Variants in STX5 observed in about 807,000 individuals in gnomAD.
STX5 encodes the protein syntaxin-5.
Under a neutral mutation model 42.9 loss-of-function variants are expected in STX5, and 15 were observed. The observed-to-expected ratio is 0.35, with a 90% CI of 0.23 to 0.54. STX5 has a LOEUF of 0.54. Ranked by LOEUF, STX5 falls within the 20% of genes least tolerant of loss-of-function variation. STX5 has a pLI of 0.91. For synonymous variants in STX5, 184 were observed against 173.2 expected (o/e 1.06, Z -0.49); for missense variants, 430 against 455.0 (o/e 0.95, Z 0.50).
At chr11:62,814,055 T>C (rs2084646171) in intron 10 of STX5, among the ~76,000 whole-genome samples, 1 of 152,158 alleles carries the variant, frequency 6.6e-6, no homozygotes, top group Non-Finnish European at 1.5e-5. Flanking sequence ...ACCAGACATA[T>C]TTGGAACAAC....
intron 7 of STX5, 74 bp from the exon 8 acceptor site, chr11:62,825,191 G>A: frequency 1.2e-6 from 2 of 1,610,146 alleles, no homozygotes; most frequent in Non-Finnish European, 1.7e-6. Flanking sequence ...CCCACCATTG[G>A]CCCCATGACC....
rs148054449 is a variant in STX5 at position 62,829,576 on chromosome 11, C to T, written c.225+1443G>A. On this transcript the variant is annotated intron_variant, in intron 2 of 10. Transcript: ENST00000294179. ...CCCAGAAGTTCGAGACCAGCCTGGG[C>T]AACATGGTAAAACCCCATCTCTACT... 5.9e-3 allele frequency among the ~76,000 whole-genome samples: 894 copies of T among 152,058 alleles called. 8 individuals carry two copies. The highest frequency in any genetic ancestry group is 0.021 in the African/African-American group (859 of 41,442).
At chr11:62,830,389 A>T in intron 2 of STX5, 1 of 373,430 alleles carries the variant, frequency 2.7e-6, no homozygotes. Context: ...TGCCTGTACG[A>T]AAAAATTTTA....
Position 62,825,445 on chromosome 11 carries a change from T to C in STX5, c.518A>G (p.Asn173Ser), listed in dbSNP as rs779232866. Residue 173 changes from asparagine (N) to serine (S), a missense_variant, in exon 6 of 11, where the codon AAC becomes AGC. Transcript: ENST00000294179. Reference protein sequence around the residue: ...QSGRHLQTHSNTIVVSLQSKL... With the variant: ...QSGRHLQTHSSTIVVSLQSKL... Reference sequence around the variant, plus strand: ...CACCTGCAAGGAGACCACAATGGTGTTGGAGTGGGTCTGCAGGTGCCGGCC... The same window carrying C: ...CACCTGCAAGGAGACCACAATGGTGCTGGAGTGGGTCTGCAGGTGCCGGCC... The C allele has an allele frequency of 6.2e-7, 1 of 1,614,138 alleles. No homozygotes were observed. Among genetic ancestry groups the C allele is most frequent in the Non-Finnish European group, 8.5e-7 (1 of 1,180,042 alleles).
chr11:62,812,624 G>T (rs1056095966), intron 10 of STX5, among the ~76,000 whole-genome samples: 6 of 151,154 alleles, frequency 4.0e-5, no homozygotes, highest in Admixed American at 1.3e-4. Flanking sequence ...GGGTTTCACC[G>T]TGTTAGCCAG....
At chr11:62,831,416 A>T (rs1297310557) in intron 1 of STX5, among the ~76,000 whole-genome samples, 154 bp from the exon 2 acceptor site, 4 of 151,554 alleles carry the variant, frequency 2.6e-5, no homozygotes, top group African/African-American at 9.7e-5. Context: ...CCAGCAGCGG[A>T]AAGGGCCCCG....
chr11:62,810,268 C>CT (rs1436464915), intron 10 of STX5, among the ~76,000 whole-genome samples: 1 of 151,920 alleles, frequency 6.6e-6, no homozygotes, highest in East Asian at 1.9e-4. Flanking sequence ...ATAGGAGACT[C>CT]TGTCTCTACA....
At chr11:62,812,611 A>G (rs1438733217) in intron 10 of STX5, among the ~76,000 whole-genome samples, 1 of 150,718 alleles carries the variant, frequency 6.6e-6, no homozygotes, top group South Asian at 2.1e-4. Context: ...TTTAGTAGAG[A>G]TGGGGTTTCA....
intron 10 of STX5, among the ~76,000 whole-genome samples, chr11:62,812,354 G>C (rs1016357711): frequency 2.6e-4 from 39 of 152,112 alleles, no homozygotes; most frequent in African/African-American, 9.4e-4. Context: ...TGGGATTACA[G>C]GCATGAGCCA....
At chr11:62,826,608 G>A (rs1028214867) in intron 5 of STX5, among the ~76,000 whole-genome samples, 1 of 151,322 alleles carries the variant, frequency 6.6e-6, no homozygotes, top group African/African-American at 2.4e-5. Context: ...TATTATTACA[G>A]TCGAGTGCAG....
At position 62,816,622 on chromosome 11, in the gene STX5, C is replaced by T. The variant is rs555990694; in HGVS notation, c.908+7544G>A. ...AAAGAAAACTTCTGAATAACTTCCT[C>T]CTATCAGCTATTACTCCATTTCCTT... On this transcript the variant is annotated intron_variant, in intron 10 of 10. Coordinates refer to ENST00000294179, the MANE Select transcript of STX5 (RefSeq NM_003164.5). Among the ~76,000 whole-genome samples, 9 of 151,806 alleles carry T rather than the reference C, an allele frequency of 5.9e-5. No individual in the cohort carries two copies. In the South Asian group the frequency reaches 1.7e-3, roughly 28 times the overall value.
intron 10 of STX5, among the ~76,000 whole-genome samples, chr11:62,810,103 C>CAAAAAA (rs11405544): frequency 2.0e-5 from 2 of 97,562 alleles, no homozygotes; most frequent in Non-Finnish European, 2.0e-5. Context: ...GACTCCATCT[C>CAAAAAA]AAAAAAAAAA....
At chr11:62,809,339 T>C (rs951383572) in intron 10 of STX5, among the ~76,000 whole-genome samples, 1 of 149,128 alleles carries the variant, frequency 6.7e-6, no homozygotes, top group South Asian at 2.1e-4. Context: ...ATGGGCTGAT[T>C]ACTGGATCAT....
At chr11:62,825,616 T>C (rs371960169) in intron 5 of STX5, 77 bp from the exon 6 acceptor site, 3 of 1,301,044 alleles carry the variant, frequency 2.3e-6, no homozygotes, top group South Asian at 2.5e-5. Context: ...TGGCCATCTC[T>C]GGTAGGAAGG....
At chr11:62,809,070 C>G (rs887145257) in intron 10 of STX5, among the ~76,000 whole-genome samples, 1 of 151,896 alleles carries the variant, frequency 6.6e-6, no homozygotes, top group Non-Finnish European at 1.5e-5. Context: ...AGGCCGATCA[C>G]GAAGTCAGGA....
chr11:62,825,654 A>G, intron 5 of STX5, 115 bp from the exon 6 acceptor site: 2 of 918,182 alleles, frequency 2.2e-6, no homozygotes, highest in Non-Finnish European at 3.5e-6. Context: ...AGCCAGAGTG[A>G]GAGTATCTCA....
chr11:62,831,615 T>A (rs115044750), intron 1 of STX5, among the ~76,000 whole-genome samples: 2,304 of 152,210 alleles, frequency 0.015, 46 homozygotes, highest in African/African-American at 0.052. Context: ...GCGGTTTCCT[T>A]CGGCCCCTCC....
At chr11:62,831,316 C>T (rs2084859297) in intron 1 of STX5, 54 bp from the exon 2 acceptor site, 2 of 1,247,536 alleles carry the variant, frequency 1.6e-6, no homozygotes, top group Admixed American at 4.0e-5. Flanking sequence ...CCCAAACTCC[C>T]CCGCCCCACC....
intron 10 of STX5, among the ~76,000 whole-genome samples, chr11:62,818,026 C>T (rs938624457): frequency 2.0e-5 from 3 of 151,902 alleles, no homozygotes; most frequent in African/African-American, 7.3e-5. Context: ...GGCGGATCAC[C>T]TGAGGTCAGT....
Sources: allele counts gnomAD v4.1 joint callset (sites outside exome capture counted in the v4.1 genomes callset), GRCh38; gene constraint gnomAD v4.1.1; transcripts MANE v1.5; gene names NCBI Gene and HGNC (gene_info 2026-07-23, HGNC 2026-07-21).